LIPH: variants seen among roughly 807,000 people sequenced by gnomAD.
LIPH encodes the protein lipase H, also known as lipase member H.
In LIPH, 32 loss-of-function variants were observed where a neutral mutation model predicts 47.6. The observed-to-expected ratio is 0.67, with a 90% CI of 0.51 to 0.90. LIPH has a LOEUF of 0.90. LIPH is among the 40% of genes least tolerant of loss of function. The pLI, the probability that LIPH is intolerant of heterozygous loss-of-function variation, is 0.00. For missense variants in LIPH, 497 were observed against 541.4 expected (o/e 0.92, Z 0.81); for synonymous variants, 190 against 195.6 (o/e 0.97, Z 0.24).
chr3:185,530,021 C>T (rs977678612), intron 3 of LIPH, among the ~76,000 whole-genome samples: 1 of 152,044 alleles, frequency 6.6e-6, no homozygotes, highest in Non-Finnish European at 1.5e-5. Flanking sequence ...CGGTGGCATG[C>T]GCCTGTAGTC....
At chr3:185,543,101 C>T (rs575050441) in intron 1 of LIPH, among the ~76,000 whole-genome samples, 5 of 151,948 alleles carry the variant, frequency 3.3e-5, no homozygotes, top group South Asian at 2.1e-4. Context: ...CCCCGCTACT[C>T]GGGAGGCTGA....
At position 185,508,881 on chromosome 3, in the gene LIPH, G is replaced by A; in HGVS notation, c.1269-4C>T. On this transcript the variant is annotated splice_polypyrimidine_tract_variant and splice_region_variant and intron_variant, in intron 9 of 9. Coordinates refer to ENST00000296252, the MANE Select transcript of LIPH (RefSeq NM_139248.3). The stretch of plus-strand genomic sequence containing the variant: ...ATCATACCGACACAGCTGAGGCCTG[G>A]GAAAATAAGACAAAATATCCTTGTA... The A allele has an allele frequency of 1.3e-6, 2 of 1,585,970 alleles. No homozygotes were observed. The highest frequency in any genetic ancestry group is 1.7e-6 in the Non-Finnish European group (2 of 1,154,634).
intron 4 of LIPH, 53 bp downstream of exon 4, chr3:185,527,430 GA>G: frequency 8.5e-7 from 1 of 1,174,432 alleles, no homozygotes; most frequent in East Asian, 2.3e-5. Context: ...CTCCCCAGGG[GA>G]CACTCTTTAG....
intron 3 of LIPH, among the ~76,000 whole-genome samples, chr3:185,531,581 A>C (rs1720333708): frequency 6.7e-6 from 1 of 150,090 alleles, no homozygotes; most frequent in Admixed American, 6.7e-5. Context: ...AAAGAAGAAG[A>C]CTTATAAAAG....
intron 3 of LIPH, among the ~76,000 whole-genome samples, chr3:185,528,374 T>C (rs1458409409): frequency 3.7e-5 from 3 of 82,126 alleles, no homozygotes; most frequent in African/African-American, 1.3e-4. Flanking sequence ...TACTCATCTT[T>C]ATCCCACTTT....
intron 4 of LIPH, among the ~76,000 whole-genome samples, 190 bp downstream of exon 4, chr3:185,527,294 C>T (rs1720137724): frequency 6.6e-6 from 1 of 151,942 alleles, no homozygotes; most frequent in Non-Finnish European, 1.5e-5. Flanking sequence ...CATCCACGCT[C>T]TAGCACAAGG....
chr3:185,527,196 G>A (rs1268394827), intron 4 of LIPH, among the ~76,000 whole-genome samples: 1 of 152,008 alleles, frequency 6.6e-6, no homozygotes, highest in Non-Finnish European at 1.5e-5. Flanking sequence ...TCGAGATTGC[G>A]CCACTGCACT....
chr3:185,529,194 A>AAG (rs1452696553), intron 3 of LIPH, among the ~76,000 whole-genome samples: 1 of 137,850 alleles, frequency 7.3e-6, no homozygotes, highest in Admixed American at 7.3e-5. Context: ...AAAAAAAAAG[A>AAG]AAAAAAGAAA....
At chr3:185,523,930 C>G in intron 5 of LIPH, 141 bp downstream of exon 5, 1 of 621,174 alleles carries the variant, frequency 1.6e-6, no homozygotes, top group Non-Finnish European at 3.0e-6. Flanking sequence ...CTATGTTGGC[C>G]AGGCTCGTCT....
chr3:185,512,641 A>T lies in LIPH; in HGVS notation c.1095-944T>A, dbSNP rs544354794. 1.1e-3 allele frequency among the ~76,000 whole-genome samples: 162 copies of T among 151,546 alleles called. 4 individuals are homozygous for T. In the South Asian group the frequency reaches 0.015, roughly 14 times the overall value. On this transcript the variant is annotated intron_variant, in intron 8 of 9. Transcript: ENST00000296252. ...GTAGCTGGGATTACAGGCACCTGCC[A>T]CCCCTCCTGGCTAATTTTTGTATTT...
Position 185,507,962 on chromosome 3 carries a change from T to C in LIPH, c.*828A>G, listed in dbSNP as rs1197137984. 3 of 152,314 alleles carry C rather than the reference T, an allele frequency of 2.0e-5. No individual in the cohort carries two copies. Among genetic ancestry groups the C allele is most frequent in the African/African-American group, 7.2e-5 (3 of 41,460 alleles). The allele number at this position is 152,314 out of a possible 1,614,324, so 9.4% of individuals were successfully genotyped here. The stretch of plus-strand genomic sequence containing the variant: ...AAATAAGCTCTGCTTTTCCTTCCCT[T>C]GCCTCATGCTCCATCCCCTGTCCCC... On this transcript the variant is annotated 3_prime_UTR_variant, in exon 10 of 10. Transcript: ENST00000296252.
intron 6 of LIPH, among the ~76,000 whole-genome samples, chr3:185,517,485 T>G (rs1719766684): frequency 6.6e-6 from 1 of 152,198 alleles, no homozygotes; most frequent in South Asian, 2.1e-4. Flanking sequence ...ACATTCATTT[T>G]CTAGATTAAA....
At chr3:185,522,669 A>AGAAG (rs1719942254) in intron 5 of LIPH, among the ~76,000 whole-genome samples, 2 of 85,594 alleles carry the variant, frequency 2.3e-5, no homozygotes, top group African/African-American at 1.5e-4. Context: ...AAAGAAAGAA[A>AGAAG]GAAAGAAAGA....
intron 1 of LIPH, among the ~76,000 whole-genome samples, chr3:185,548,181 C>A (rs1014569749): frequency 1.3e-5 from 2 of 151,666 alleles, no homozygotes; most frequent in Non-Finnish European, 2.9e-5. Flanking sequence ...CCGAGGCGGG[C>A]GAATCACCAG....
rs1257871635 is a variant in LIPH at position 185,529,869 on chromosome 3, G to A, written c.527-2284C>T. ...TGTGCCATTGCCCTCCAGCCCAGGC[G>A]ACAGACCAAGCAAGAGAGAGAGAGA... is the stretch of plus-strand genomic sequence containing the variant. On this transcript the variant is annotated intron_variant, in intron 3 of 9. Transcript: ENST00000296252. 1.0e-4 allele frequency among the ~76,000 whole-genome samples: 15 copies of A among 148,730 alleles called. No individual in the cohort carries two copies. The South Asian group carries it at 1.3e-3, about 13-fold the overall frequency.
chr3:185,537,599 G>T (rs761247439), intron 1 of LIPH, among the ~76,000 whole-genome samples: 3 of 152,050 alleles, frequency 2.0e-5, no homozygotes, highest in Non-Finnish European at 4.4e-5. Context: ...CTTGGGGTAG[G>T]GCTGAGCCTC....
intron 3 of LIPH, among the ~76,000 whole-genome samples, chr3:185,532,587 C>T (rs1419850861): frequency 6.6e-6 from 1 of 151,666 alleles, no homozygotes; most frequent in South Asian, 2.1e-4. Context: ...GTCAGGAGTT[C>T]GAGACCAGCC....
At chr3:185,543,085 T>C (rs1032495428) in intron 1 of LIPH, among the ~76,000 whole-genome samples, 2 of 152,010 alleles carry the variant, frequency 1.3e-5, no homozygotes, top group African/African-American at 2.4e-5. Flanking sequence ...TGTACAAGCC[T>C]GTAATCCCCG....
At chr3:185,536,593 G>A (rs1720507877) in intron 1 of LIPH, among the ~76,000 whole-genome samples, 1 of 151,930 alleles carries the variant, frequency 6.6e-6, no homozygotes, top group South Asian at 2.1e-4. Context: ...TGCATTTATT[G>A]AAACTTTTCA....
Sources: gnomAD v4.1 joint callset for allele counts (sites outside exome capture counted in the v4.1 genomes callset) on GRCh38, gnomAD v4.1.1 for gene constraint, MANE v1.5 for transcripts, NCBI Gene and HGNC (gene_info 2026-07-23, HGNC 2026-07-21) for gene names.